The following COP1 variants were observed in gnomAD, a reference collection of about 807,000 sequenced individuals.
The protein encoded by COP1 is COP1 E3 ubiquitin ligase, also known as E3 ubiquitin-protein ligase COP1.
COP1 carries 24 observed loss-of-function variants against 101.3 expected under a neutral mutation model. That is an observed-to-expected ratio of 0.24 (90% CI 0.17 to 0.33). COP1 has a LOEUF of 0.33. Among genes scored for constraint, COP1 ranks in the 10% least tolerant of loss-of-function variants. The pLI is 1.00. For synonymous variants in COP1, 347 were observed against 341.9 expected (o/e 1.01, Z -0.17); for missense variants, 663 against 906.2 (o/e 0.73, Z 3.45).
rs1700933003 is a variant in COP1, at chr1:176,206,983, ACTCC to A, written c.-9_-6del. 7.3e-7 allele frequency: 1 copy of A among 1,371,512 alleles called. No homozygotes were observed. Among genetic ancestry groups the A allele is most frequent in the Admixed American group, 3.6e-5 (1 of 27,928 alleles). 85.0% of individuals were successfully genotyped at this position (1,371,512 alleles called of 1,614,324 possible). A position where few individuals can be genotyped will look rare whatever the true frequency, so the allele number is the denominator to read the frequency against. Reference sequence around the variant, plus strand: ...GGCCTGGCGGCTACCAGACATCGTGACTCCCTCCCCTCCAGCCGGGCGCTCGGAG... The same window carrying A: ...GGCCTGGCGGCTACCAGACATCGTGACTCCCCTCCAGCCGGGCGCTCGGAG... On this transcript the variant is annotated 5_prime_UTR_variant, in exon 1 of 20. Coordinates refer to ENST00000367669, the MANE Select transcript of COP1 (RefSeq NM_022457.7).
At chr1:175,957,229 G>A (rs1253686527) in intron 18 of COP1, among the ~76,000 whole-genome samples, 6 of 151,632 alleles carry the variant, frequency 4.0e-5, no homozygotes, top group East Asian at 1.9e-4. Flanking sequence ...GGGTCTTCAC[G>A]TTCACTCACC....
At chr1:175,974,649 T>C (rs754718911) in intron 18 of COP1, among the ~76,000 whole-genome samples, 5 of 152,018 alleles carry the variant, frequency 3.3e-5, no homozygotes, top group Admixed American at 6.5e-5. Flanking sequence ...TGAGAAAGAA[T>C]CAAAGAGAAA....
At chr1:176,152,678 G>A (rs946964950) in intron 5 of COP1, among the ~76,000 whole-genome samples, 1 of 152,040 alleles carries the variant, frequency 6.6e-6, no homozygotes, top group Non-Finnish European at 1.5e-5. Context: ...GAACTCCTAA[G>A]TGATCTGCCT....
At chr1:176,116,250 G>A (rs1166406054) in intron 9 of COP1, among the ~76,000 whole-genome samples, 1 of 152,090 alleles carries the variant, frequency 6.6e-6, no homozygotes, top group East Asian at 1.9e-4. Context: ...GCATGGTGGT[G>A]CACTTCCATA....
At chr1:176,182,883 A>G (rs918446874) in intron 2 of COP1, among the ~76,000 whole-genome samples, 2 of 152,216 alleles carry the variant, frequency 1.3e-5, no homozygotes, top group Non-Finnish European at 2.9e-5. Flanking sequence ...AAGTAAAATG[A>G]CTTAAAAAAA....
At chr1:176,040,318 C>T (rs1670296245) in intron 14 of COP1, among the ~76,000 whole-genome samples, 1 of 151,568 alleles carries the variant, frequency 6.6e-6, no homozygotes, top group African/African-American at 2.4e-5. Flanking sequence ...CTTTTCCCTC[C>T]TTCTCTTTCT....
intron 14 of COP1, among the ~76,000 whole-genome samples, chr1:176,042,900 G>A (rs967243194): frequency 4.6e-5 from 7 of 151,402 alleles, no homozygotes; most frequent in South Asian, 2.1e-4. Flanking sequence ...ATGGTGGCAC[G>A]TGGCTGTAAC....
At chr1:176,164,574 C>A (rs953640137) in intron 3 of COP1, among the ~76,000 whole-genome samples, 1 of 152,086 alleles carries the variant, frequency 6.6e-6, no homozygotes, top group Non-Finnish European at 1.5e-5. Flanking sequence ...GAGAAAAAAA[C>A]CATGCCTTCA....
At chr1:176,174,007 A>AAAAAAAAAAG (rs1456552067) in intron 3 of COP1, among the ~76,000 whole-genome samples, 11,117 of 119,758 alleles carry the variant, frequency 0.093, 1,813 homozygotes, top group East Asian at 0.23. Context: ...AAAAAAAAAA[A>AAAAAAAAAAG]AGAGAATATA....
At chr1:175,997,865 G>A (rs1048690375) in intron 15 of COP1, among the ~76,000 whole-genome samples, 16 of 152,082 alleles carry the variant, frequency 1.1e-4, no homozygotes, top group African/African-American at 3.9e-4. Flanking sequence ...TCTAGAACTA[G>A]AAATACCATT....
At chr1:176,105,012 T>C (rs914776272) in intron 9 of COP1, among the ~76,000 whole-genome samples, 2 of 152,150 alleles carry the variant, frequency 1.3e-5, no homozygotes, top group South Asian at 2.1e-4. Flanking sequence ...TCCTCATAAA[T>C]TGTTAAATAA....
chr1:176,047,459 C>T (rs961982598), intron 11 of COP1, among the ~76,000 whole-genome samples: 2 of 152,076 alleles, frequency 1.3e-5, no homozygotes, highest in Non-Finnish European at 2.9e-5. Flanking sequence ...GGTTTCAGAG[C>T]TGGTGCTAAT....
chr1:176,051,030 G>A (rs773498092), intron 11 of COP1, among the ~76,000 whole-genome samples: 11 of 152,010 alleles, frequency 7.2e-5, no homozygotes, highest in Non-Finnish European at 1.2e-4. Flanking sequence ...ACATAATTCA[G>A]CCTGTGCAAC....
chr1:176,059,273 G>A (rs947801245), intron 11 of COP1, among the ~76,000 whole-genome samples: 2 of 152,014 alleles, frequency 1.3e-5, no homozygotes, highest in Non-Finnish European at 2.9e-5. Flanking sequence ...CTTAAGCATT[G>A]TGAACCTAAG....
At position 175,944,931 on chromosome 1, in the gene COP1, T is replaced by C. The variant is rs557618636; in HGVS notation, c.*222A>G. On this transcript the variant is annotated 3_prime_UTR_variant, in exon 20 of 20. Coordinates refer to ENST00000367669, the MANE Select transcript of COP1 (RefSeq NM_022457.7). ...GATAACACCACCAAGAGCAGCAATG[T>C]CCATGGAGTTACATTGATGGTGGAG... The C allele has an allele frequency of 2.0e-6, 1 of 507,690 alleles. No homozygotes were observed. Among genetic ancestry groups the C allele is most frequent in the South Asian group, 3.5e-5 (1 of 28,874 alleles). 31.4% of individuals were successfully genotyped at this position (507,690 alleles called of 1,614,324 possible). A position where few individuals can be genotyped will look rare whatever the true frequency, so the allele number is the denominator to read the frequency against.
chr1:176,085,317 CTGTAAACT>C (rs1466432066), intron 10 of COP1, among the ~76,000 whole-genome samples: 1 of 151,630 alleles, frequency 6.6e-6, no homozygotes, highest in Non-Finnish European at 1.5e-5. Context: ...CATGATACTC[CTGTAAACT>C]TATTTAACAC....
chr1:176,081,006 A>T (rs916783621), intron 11 of COP1, 146 bp downstream of exon 11: 18 of 689,516 alleles, frequency 2.6e-5, no homozygotes, highest in Non-Finnish European at 4.1e-5. Context: ...ATAGAAGCTC[A>T]GGAACTTGCC....
intron 15 of COP1, among the ~76,000 whole-genome samples, chr1:175,998,990 G>A (rs1660944048): frequency 6.6e-6 from 1 of 151,950 alleles, no homozygotes; most frequent in Non-Finnish European, 1.5e-5. Flanking sequence ...CACAACTGAT[G>A]GGTTTCTATG....
chr1:176,046,200 T>C lies in COP1; in HGVS notation c.1402A>G (p.Thr468Ala). ...VDIHYPENEM[T>A]CNSKISCISW... ...AAATACCTGATTTTCGAATTGCAGGTCATTTCATTCTCAGGGTAATGAATA... is the reference window on the plus strand; with the variant it reads ...AAATACCTGATTTTCGAATTGCAGGCCATTTCATTCTCAGGGTAATGAATA... The change falls in exon 12 of 20, where the codon ACC becomes GCC. Residue 468 changes from threonine (T) to alanine (A), a missense_variant. Physicochemically the swap from Thr to Ala is moderately conservative, Grantham distance 58. Transcript: ENST00000367669. The C allele has an allele frequency of 6.2e-7, 1 of 1,603,502 alleles. No individual in the cohort carries two copies. Among genetic ancestry groups the C allele is most frequent in the Non-Finnish European group, 8.5e-7 (1 of 1,177,048 alleles).
Sources: allele counts gnomAD v4.1 joint callset (sites outside exome capture counted in the v4.1 genomes callset), GRCh38; gene constraint gnomAD v4.1.1; transcripts MANE v1.5; gene names NCBI Gene and HGNC (gene_info 2026-07-23, HGNC 2026-07-21).